WDR41: variants seen among roughly 807,000 people sequenced by gnomAD.
WDR41 encodes WD repeat domain 41, also known as WD repeat-containing protein 41.
Under a neutral mutation model 69.3 loss-of-function variants are expected in WDR41, and 63 were observed. The ratio of observed to expected loss-of-function variants is 0.91; its 90% CI spans 0.74 to 1.12. The LOEUF (loss-of-function observed/expected upper bound fraction) is 1.12. Ranked by LOEUF, WDR41 falls within the 50% of genes most tolerant of loss-of-function variation. The pLI is 0.00. For missense variants in WDR41, 543 were observed against 534.5 expected (o/e 1.02, Z -0.16); for synonymous variants, 185 against 192.1 (o/e 0.96, Z 0.31).
chr5:77,456,067 A>G (rs1799820698), intron 5 of WDR41, among the ~76,000 whole-genome samples: 1 of 152,172 alleles, frequency 6.6e-6, no homozygotes, highest in Non-Finnish European at 1.5e-5. Context: ...GTGGAATCAT[A>G]ACAATAGTAA....
At chr5:77,451,596 C>T in intron 6 of WDR41, 1 of 398,504 alleles carries the variant, frequency 2.5e-6, no homozygotes, top group Non-Finnish European at 4.5e-6. Context: ...TTTTTTTGTA[C>T]TTTTTTTTAC....
At chr5:77,469,283 C>T (rs988866326) in intron 2 of WDR41, among the ~76,000 whole-genome samples, 1 of 152,066 alleles carries the variant, frequency 6.6e-6, no homozygotes, top group Admixed American at 6.6e-5. Flanking sequence ...AGGAGACATA[C>T]CTAATGTAAA....
intron 1 of WDR41, among the ~76,000 whole-genome samples, chr5:77,578,944 T>C (rs1025900344): frequency 2.0e-5 from 3 of 146,684 alleles, no homozygotes; most frequent in East Asian, 2.0e-4. Context: ...AATAAAGAGA[T>C]AGAAACTATA....
chr5:77,587,108 T>C (rs1744055582), intron 1 of WDR41, among the ~76,000 whole-genome samples: 1 of 150,336 alleles, frequency 6.7e-6, no homozygotes, highest in African/African-American at 2.5e-5. Context: ...GCTTCTCTCT[T>C]GCCCCTTCTC....
At chr5:77,545,509 C>T (rs964507756) in intron 1 of WDR41, 4 of 236,182 alleles carry the variant, frequency 1.7e-5, no homozygotes, top group Admixed American at 1.1e-4. Flanking sequence ...GGGCCAGGGT[C>T]GCAGCCACGG....
chr5:77,502,997 T>C (rs1802043605), intron 1 of WDR41, among the ~76,000 whole-genome samples: 1 of 152,088 alleles, frequency 6.6e-6, no homozygotes, highest in African/African-American at 2.4e-5. Flanking sequence ...TAATGATGGA[T>C]CATATTCACA....
At chr5:77,494,173 A>G (rs1392973867), upstream of WDR41, among the ~76,000 whole-genome samples, 1 of 152,238 alleles carries the variant, frequency 6.6e-6, no homozygotes, top group Non-Finnish European at 1.5e-5. Context: ...TAAAATATAC[A>G]TAAATGGAAA....
At position 77,611,263 on chromosome 5, in the gene WDR41, C is replaced by A. The variant is rs528424492; in HGVS notation, c.42+9216G>T. ...ACAGATCAACAAGACAGAAAGTTAA[C>A]AAGGATACACAGGAATTGAACTCAG... is the stretch of plus-strand genomic sequence containing the variant. On this transcript the variant is annotated intron_variant, in intron 1 of 5. Coordinates refer to the WDR41 transcript ENST00000509971. 2.1e-4 allele frequency among the ~76,000 whole-genome samples: 32 copies of A among 152,248 alleles called. 1 individual carries two copies. Among genetic ancestry groups the A allele is most frequent in the African/African-American group, 7.5e-4 (31 of 41,538 alleles).
intron 1 of WDR41, among the ~76,000 whole-genome samples, chr5:77,508,807 C>T (rs999471006): frequency 4.9e-5 from 5 of 102,448 alleles, no homozygotes; most frequent in Non-Finnish European, 7.2e-5. Flanking sequence ...TCTCCCCCCA[C>T]AGCGTGAAGC....
chr5:77,568,671 T>C (rs1743680399), intron 1 of WDR41, among the ~76,000 whole-genome samples: 1 of 152,150 alleles, frequency 6.6e-6, no homozygotes, highest in Non-Finnish European at 1.5e-5. Flanking sequence ...GAAAGCATTC[T>C]GCACACTCTA....
chr5:77,458,566 A>T (rs1799923155), intron 5 of WDR41, among the ~76,000 whole-genome samples: 2 of 152,140 alleles, frequency 1.3e-5, no homozygotes, highest in Non-Finnish European at 2.9e-5. Flanking sequence ...CTGTCATATC[A>T]TTAGCCCCAA....
chr5:77,459,192 AC>A, intron 4 of WDR41, 68 bp from the exon 5 acceptor site: 1 of 1,162,284 alleles, frequency 8.6e-7, no homozygotes, highest in Admixed American at 2.0e-5. Flanking sequence ...TTTCTAATTA[AC>A]AATTAAGCCA....
intron 1 of WDR41, among the ~76,000 whole-genome samples, chr5:77,567,119 A>G (rs1743647656): frequency 6.6e-6 from 1 of 152,172 alleles, no homozygotes. Flanking sequence ...GCTTCCACAT[A>G]CTTATTAGAG....
intron 1 of WDR41, among the ~76,000 whole-genome samples, chr5:77,556,808 G>T (rs1446447741): frequency 1.3e-5 from 2 of 152,152 alleles, no homozygotes; most frequent in Admixed American, 1.3e-4. Context: ...AACAGGACAG[G>T]CATCCAAGCC....
chr5:77,479,988 A>C (rs1801146072), intron 2 of WDR41: 1 of 151,986 alleles, frequency 6.6e-6, no homozygotes, highest in South Asian at 2.1e-4. Context: ...AAAAAAACAA[A>C]CAACCACATC....
intron 1 of WDR41, among the ~76,000 whole-genome samples, chr5:77,506,529 A>C (rs866870821): frequency 2.0e-5 from 3 of 152,338 alleles, no homozygotes; most frequent in African/African-American, 7.2e-5. Context: ...CAGCAATCCC[A>C]TTACTGGGTA....
At chr5:77,494,555 T>G (rs1486568056), upstream of WDR41, among the ~76,000 whole-genome samples, 1 of 152,202 alleles carries the variant, frequency 6.6e-6, no homozygotes, top group East Asian at 1.9e-4. Flanking sequence ...CAAAAAAGTT[T>G]TCAAAGACAG....
chr5:77,462,104 G>A (rs964703068), intron 4 of WDR41, among the ~76,000 whole-genome samples: 6 of 151,886 alleles, frequency 4.0e-5, no homozygotes, highest in African/African-American at 1.5e-4. Context: ...TTTTTCATCT[G>A]TAAATAAGAA....
rs115950010 is a variant in WDR41 at position 77,469,496 on chromosome 5, T to A, written c.168-4687A>T. Among the ~76,000 whole-genome samples, 696 of 152,262 alleles carry A rather than the reference T, an allele frequency of 4.6e-3. 2 individuals carry two copies. Among genetic ancestry groups the A allele is most frequent in the African/African-American group, 0.016 (671 of 41,564 alleles). On this transcript the variant is annotated intron_variant, in intron 2 of 12. Transcript: ENST00000296679. ...AAACTGATCCTTAAATCTACAGACTTAATCCAATTCAAATCTGACTCTTTG... is the reference window on the plus strand; with the variant it reads ...AAACTGATCCTTAAATCTACAGACTAAATCCAATTCAAATCTGACTCTTTG...
Sources: allele counts gnomAD v4.1 joint callset (sites outside exome capture counted in the v4.1 genomes callset), GRCh38; gene constraint gnomAD v4.1.1; transcripts MANE v1.5; gene names NCBI Gene and HGNC (gene_info 2026-07-23, HGNC 2026-07-21).